Variants in NPIPB8 observed in about 807,000 individuals in gnomAD.
NPIPB8 encodes the protein nuclear pore complex interacting protein family member B8.
Under a neutral mutation model 5.3 loss-of-function variants are expected in NPIPB8, and 3 were observed. The observed-to-expected ratio is 0.57, with a 90% CI of 0.26 to 1.47. The LOEUF (loss-of-function observed/expected upper bound fraction) is 1.47. NPIPB8 is among the 40% of genes most tolerant of loss of function. NPIPB8 has a pLI of 0.13. For missense variants in NPIPB8, 50 were observed against 50.2 expected (o/e 1.00, Z 0.01); for synonymous variants, 18 against 23.0 (o/e 0.78, Z 0.62).
At chr16:28,640,556 C>T (rs904406077) in intron 2 of NPIPB8, among the ~76,000 whole-genome samples, 4 of 152,074 alleles carry the variant, frequency 2.6e-5, no homozygotes, top group African/African-American at 4.8e-5. Flanking sequence ...AGGAGAGAAC[C>T]TGAAATACTT....
At chr16:28,641,725 T>C (rs1716569783) in intron 2 of NPIPB8, among the ~76,000 whole-genome samples, 1 of 128,606 alleles carries the variant, frequency 7.8e-6, no homozygotes, top group Non-Finnish European at 1.7e-5. Context: ...TCAGACGGTC[T>C]TTGCATGCAT....
Position 28,638,325 on chromosome 16 carries a change from T to G in NPIPB8, c.-36T>G, listed in dbSNP as rs751465198. On this transcript the variant is annotated splice_region_variant and 5_prime_UTR_variant, in exon 2 of 8. Transcript: ENST00000683297. The stretch of plus-strand genomic sequence containing the variant: ...TTTTTTTCTTAATTGTCTAATAGGT[T>G]GGCACTCATCATGAGCCCCTGTTCT... The G allele has an allele frequency of 6.4e-7, 1 of 1,560,970 alleles. No homozygotes were observed. Among genetic ancestry groups the G allele is most frequent in the Non-Finnish European group, 8.6e-7 (1 of 1,160,770 alleles).
intron 5 of NPIPB8, among the ~76,000 whole-genome samples, 159 bp downstream of exon 5, chr16:28,652,523 A>C (rs1182574321): frequency 1.0e-5 from 1 of 98,914 alleles, no homozygotes; most frequent in Non-Finnish European, 2.0e-5. Context: ...TAAGCTGTAT[A>C]ATTCCTTTCC....
intron 2 of NPIPB8, among the ~76,000 whole-genome samples, chr16:28,643,022 G>A (rs2151751009): frequency 6.6e-6 from 1 of 152,272 alleles, no homozygotes; most frequent in Non-Finnish European, 1.5e-5. Context: ...ACAGGGCCAG[G>A]AAAGGTGATA....
intron 1 of NPIPB8, 48 bp downstream of exon 1, chr16:28,638,198 A>G: frequency 8.4e-7 from 1 of 1,188,250 alleles, no homozygotes; most frequent in Admixed American, 2.8e-5. Context: ...AGAAATTCAA[A>G]GTACAGGAAT....
intron 3 of NPIPB8, among the ~76,000 whole-genome samples, chr16:28,651,730 A>G (rs2048047262): frequency 1.3e-5 from 1 of 78,560 alleles, no homozygotes; most frequent in Non-Finnish European, 2.4e-5. Context: ...CCCAGCTTCA[A>G]ATGGTTCTCT....
intron 2 of NPIPB8, among the ~76,000 whole-genome samples, chr16:28,642,123 C>G (rs1386440954): frequency 4.7e-5 from 7 of 148,286 alleles, no homozygotes; most frequent in Non-Finnish European, 1.0e-4. Context: ...TTTTTTGAGA[C>G]AGAGTCTCAT....
Position 28,638,531 on chromosome 16 carries a change from G to C in NPIPB8, c.120+51G>C, listed in dbSNP as rs944605411. On this transcript the variant is annotated intron_variant, in intron 2 of 7. Coordinates refer to ENST00000683297, the MANE Select transcript of NPIPB8 (RefSeq NM_001310136.2). ...CCTGGTGCCCTTGAGCAGTTCCCGG[G>C]TCTCAGCTGCCACACATCTCATAGC... 4.9e-5 allele frequency: 73 copies of C among 1,497,004 alleles called. 1 individual carries two copies. In the Middle Eastern group the frequency reaches 6.8e-4, roughly 14 times the overall value. The allele number at this position is 1,497,004 out of a possible 1,614,324, so 92.7% of individuals were successfully genotyped here.
chr16:28,640,275 C>T (rs2047872123), intron 2 of NPIPB8, among the ~76,000 whole-genome samples: 1 of 147,000 alleles, frequency 6.8e-6, no homozygotes. Context: ...TGGAAATGTA[C>T]AAAATGTACA....
At chr16:28,644,982 C>T (rs1327571180) in intron 2 of NPIPB8, among the ~76,000 whole-genome samples, 1 of 98,740 alleles carries the variant, frequency 1.0e-5, no homozygotes, top group Non-Finnish European at 2.1e-5. Context: ...CTCTAACAAA[C>T]AAAATGGACC....
chr16:28,642,194 C>T (rs1195677542), intron 2 of NPIPB8, among the ~76,000 whole-genome samples: 1 of 151,626 alleles, frequency 6.6e-6, no homozygotes, highest in African/African-American at 2.4e-5. Context: ...CAACCTCCGC[C>T]TCCCGGGCCC....
At chr16:28,640,934 G>T (rs147918259) in intron 2 of NPIPB8, among the ~76,000 whole-genome samples, 2 of 152,086 alleles carry the variant, frequency 1.3e-5, no homozygotes, top group African/African-American at 4.8e-5. Flanking sequence ...CAACATTTTA[G>T]TTCCTTTAAG....
At chr16:28,644,538 C>G (rs1373683883) in intron 2 of NPIPB8, 51 of 1,429,644 alleles carry the variant, frequency 3.6e-5, no homozygotes, top group Non-Finnish European at 4.5e-5. Flanking sequence ...CTGCCCTAAG[C>G]CACCTCCACC....
chr16:28,639,455 A>ATATATT (rs1342219323), intron 2 of NPIPB8, among the ~76,000 whole-genome samples: 6 of 120,846 alleles, frequency 5.0e-5, no homozygotes, highest in East Asian at 2.3e-4. Flanking sequence ...ATATATATAT[A>ATATATT]TTTTTTTTTT....
At chr16:28,642,038 T>C (rs2047906401) in intron 2 of NPIPB8, among the ~76,000 whole-genome samples, 1 of 151,522 alleles carries the variant, frequency 6.6e-6, no homozygotes, top group African/African-American at 2.4e-5. Flanking sequence ...ACTTTTGCTC[T>C]AATCTGACTT....
At chr16:28,650,870 A>G (rs2048029651) in intron 3 of NPIPB8, among the ~76,000 whole-genome samples, 2 of 26,384 alleles carry the variant, frequency 7.6e-5, no homozygotes, top group Admixed American at 9.8e-4. Flanking sequence ...GAAGGTAATT[A>G]CTTCCTTTTC....
In NPIPB8 at chr16:28,653,213, C is replaced by T. The variant is rs1596689607; in HGVS notation, c.599+849C>T. On this transcript the variant is annotated intron_variant, in intron 5 of 7. Transcript: ENST00000683297. Reference sequence around the variant, plus strand: ...TCAGCCTCTTGAGTAGCTGGGACTACAGGCATATGCCACCATGCCCGGATA... The same window carrying T: ...TCAGCCTCTTGAGTAGCTGGGACTATAGGCATATGCCACCATGCCCGGATA... Among the ~76,000 whole-genome samples, 5 of 101,202 alleles carry T rather than the reference C, an allele frequency of 4.9e-5. 1 individual carries two copies. In the East Asian group the frequency reaches 1.1e-3, roughly 22 times the overall value. The allele number at this position is 101,202 out of a possible 152,430, so 66.4% of individuals were successfully genotyped here. A position where few individuals can be genotyped will look rare whatever the true frequency, so the allele number is the denominator to read the frequency against.
chr16:28,642,720 GAT>G (rs1301880617), intron 2 of NPIPB8, among the ~76,000 whole-genome samples: 4 of 151,238 alleles, frequency 2.6e-5, no homozygotes, highest in Non-Finnish European at 5.9e-5. Context: ...CTGACCTTGT[GAT>G]CCGCCCACCT....
At chr16:28,641,966 T>G (rs1184648436) in intron 2 of NPIPB8, among the ~76,000 whole-genome samples, 1 of 146,420 alleles carries the variant, frequency 6.8e-6, no homozygotes, top group Non-Finnish European at 1.5e-5. Flanking sequence ...TGTCTCTGCT[T>G]GGGCTATGAT....
Sources: allele counts gnomAD v4.1 joint callset (sites outside exome capture counted in the v4.1 genomes callset), GRCh38; gene constraint gnomAD v4.1.1; transcripts MANE v1.5; gene names NCBI Gene and HGNC (gene_info 2026-07-23, HGNC 2026-07-21).